DSCAM: variants seen among roughly 807,000 people sequenced by gnomAD.
DSCAM encodes cell adhesion molecule DSCAM.
Under a neutral mutation model 217.7 loss-of-function variants are expected in DSCAM, and 47 were observed. The ratio of observed to expected loss-of-function variants is 0.22; its 90% CI spans 0.17 to 0.28. DSCAM has a LOEUF of 0.28. Ranked by LOEUF, DSCAM falls within the 10% of genes least tolerant of loss-of-function variation. The pLI is 1.00. For missense variants in DSCAM, 2,080 were observed against 2,618.3 expected (o/e 0.79, Z 4.49); for synonymous variants, 1,056 against 1,015.3 (o/e 1.04, Z -0.76).
chr21:40,421,558 G>A (rs376525747), intron 3 of DSCAM, among the ~76,000 whole-genome samples: 9 of 152,290 alleles, frequency 5.9e-5, no homozygotes, highest in South Asian at 4.1e-4. Flanking sequence ...AGCTGCCAGC[G>A]CTGTGTGTTT....
intron 1 of DSCAM, among the ~76,000 whole-genome samples, chr21:40,843,608 G>A (rs1170160052): frequency 1.2e-4 from 18 of 152,108 alleles, no homozygotes; most frequent in Non-Finnish European, 1.8e-4. Context: ...ACCGAGGGAC[G>A]TGTGTGGGTG....
In DSCAM at chr21:40,719,143, C is replaced by T. The variant is rs74595304; in HGVS notation, c.44-10372G>A. 2.4e-3 allele frequency among the ~76,000 whole-genome samples: 358 copies of T among 152,258 alleles called. 9 individuals are homozygous for T. In the East Asian group the frequency reaches 0.054, roughly 23 times the overall value. On this transcript the variant is annotated intron_variant, in intron 1 of 32. Transcript: ENST00000400454. Reference sequence around the variant, plus strand: ...AAGAAGAAAAACACACACACACACACACAAGGTGTGAACAGTCACTTCACA... The same window carrying T: ...AAGAAGAAAAACACACACACACACATACAAGGTGTGAACAGTCACTTCACA...
intron 3 of DSCAM, among the ~76,000 whole-genome samples, chr21:40,588,611 T>C (rs1056012056): frequency 1.3e-5 from 2 of 152,184 alleles, no homozygotes; most frequent in African/African-American, 4.8e-5. Flanking sequence ...TGGATAAAAA[T>C]GGTTGTTTAG....
intron 11 of DSCAM, among the ~76,000 whole-genome samples, chr21:40,230,093 G>A (rs1156507709): frequency 6.6e-6 from 1 of 152,156 alleles, no homozygotes; most frequent in Non-Finnish European, 1.5e-5. Flanking sequence ...ATAAATAATA[G>A]CGAGCATCTT....
intron 11 of DSCAM, among the ~76,000 whole-genome samples, chr21:40,216,068 T>C (rs1257946226): frequency 6.6e-6 from 1 of 152,100 alleles, no homozygotes; most frequent in Non-Finnish European, 1.5e-5. Context: ...AGACATGCAA[T>C]GATTTCTTTT....
intron 16 of DSCAM, among the ~76,000 whole-genome samples, 190 bp downstream of exon 16, chr21:40,167,028 C>T (rs2090602595): frequency 6.7e-6 from 1 of 150,340 alleles, no homozygotes; most frequent in East Asian, 1.9e-4. Flanking sequence ...CTCTGAGACA[C>T]AGAATTTGCT....
intron 1 of DSCAM, among the ~76,000 whole-genome samples, chr21:40,731,731 C>T (rs1038450270): frequency 8.6e-6 from 1 of 115,708 alleles, no homozygotes; most frequent in Non-Finnish European, 1.8e-5. Context: ...CCACTGCACC[C>T]CCCCCCCCGC....
chr21:40,286,699 GATCTGCAGTGTC>G (rs1056994309), intron 10 of DSCAM, among the ~76,000 whole-genome samples: 15 of 149,470 alleles, frequency 1.0e-4, no homozygotes, highest in African/African-American at 2.9e-4. Flanking sequence ...TCCTCAGTGT[GATCTGCAGTGTC>G]ATCTGCAGTG....
At chr21:40,637,454 T>A (rs2089802106) in intron 3 of DSCAM, among the ~76,000 whole-genome samples, 1 of 41,148 alleles carries the variant, frequency 2.4e-5, no homozygotes, top group Non-Finnish European at 4.1e-5. Context: ...TATATAAATA[T>A]ATACAAATAT....
intron 32 of DSCAM, among the ~76,000 whole-genome samples, chr21:40,014,416 CAAAA>C (rs769477472): frequency 2.7e-5 from 4 of 149,994 alleles, no homozygotes; most frequent in South Asian, 2.1e-4. Context: ...ACAAAACAAA[CAAAA>C]AACCCAAACC....
chr21:40,524,146 A>G (rs796404139), intron 3 of DSCAM, among the ~76,000 whole-genome samples: 6,121 of 152,224 alleles, frequency 0.04, 260 homozygotes, highest in East Asian at 0.21. Context: ...ATTTTAAACA[A>G]CCAGATCTCA....
intron 3 of DSCAM, among the ~76,000 whole-genome samples, chr21:40,404,317 C>T (rs1420658152): frequency 6.6e-6 from 1 of 152,136 alleles, no homozygotes; most frequent in African/African-American, 2.4e-5. Context: ...ATTCTGTGAA[C>T]CAAGAGGCGG....
intron 20 of DSCAM, among the ~76,000 whole-genome samples, chr21:40,113,275 C>T (rs1298971432): frequency 1.8e-4 from 28 of 152,192 alleles, no homozygotes; most frequent in African/African-American, 2.9e-4. Context: ...AATCAATAAA[C>T]GTAATCCAGC....
chr21:40,398,823 C>T lies in DSCAM; in HGVS notation c.509-29578G>A, dbSNP rs184654355. ...CTAATTTTTGTATTTTTAGTAGGGA[C>T]GGGATCTGCCCACCTCTGCCTCCCA... is the stretch of plus-strand genomic sequence containing the variant. On this transcript the variant is annotated intron_variant, in intron 3 of 32. Transcript: ENST00000400454. Among the ~76,000 whole-genome samples, 74 of 151,932 alleles carry T rather than the reference C, an allele frequency of 4.9e-4. 1 individual carries two copies. In the South Asian group the frequency reaches 8.5e-3, roughly 18 times the overall value.
intron 1 of DSCAM, among the ~76,000 whole-genome samples, chr21:40,724,103 G>A (rs1435963824): frequency 6.6e-6 from 1 of 152,134 alleles, no homozygotes; most frequent in Non-Finnish European, 1.5e-5. Context: ...ATTGCTAGGG[G>A]TTAAGTGTAC....
chr21:40,119,971 A>T (rs1201019957), intron 20 of DSCAM, among the ~76,000 whole-genome samples: 2 of 152,080 alleles, frequency 1.3e-5, no homozygotes, highest in Non-Finnish European at 2.9e-5. Context: ...TCTCAGCCTG[A>T]CTATGGCTTT....
At chr21:40,290,294 C>A (rs1044633577) in intron 10 of DSCAM, among the ~76,000 whole-genome samples, 1 of 152,034 alleles carries the variant, frequency 6.6e-6, no homozygotes, top group African/African-American at 2.4e-5. Flanking sequence ...AAAATTGACC[C>A]CAAATGGAAA....
chr21:40,107,159 T>C (rs1384328261), intron 20 of DSCAM, among the ~76,000 whole-genome samples: 1 of 152,248 alleles, frequency 6.6e-6, no homozygotes, highest in Admixed American at 6.5e-5. Flanking sequence ...TCAGAGATTC[T>C]GGTACATTGT....
chr21:40,755,446 C>T (rs2146570750), intron 1 of DSCAM, among the ~76,000 whole-genome samples: 1 of 129,464 alleles, frequency 7.7e-6, no homozygotes, highest in East Asian at 2.1e-4. Flanking sequence ...GCTCTGTCCC[C>T]ACCTGCTAAA....
Sources: allele counts gnomAD v4.1 joint callset (sites outside exome capture counted in the v4.1 genomes callset), GRCh38; gene constraint gnomAD v4.1.1; transcripts MANE v1.5; gene names NCBI Gene and HGNC (gene_info 2026-07-23, HGNC 2026-07-21).